Variants in CST3 observed in about 807,000 individuals in gnomAD.
The protein encoded by CST3 is cystatin-C.
A neutral mutation model predicts 9.0 loss-of-function variants in CST3; 14 were observed. That is an observed-to-expected ratio of 1.56 (90% CI 1.03 to 2.44). CST3 has a LOEUF of 2.44. Ranked by LOEUF, CST3 falls within the 30% of genes most tolerant of loss-of-function variation. CST3 has a pLI of 0.00. For synonymous variants in CST3, 96 were observed against 90.2 expected, an observed-to-expected ratio of 1.06 and a Z score of -0.37; for missense variants, 237 against 204.3, an observed-to-expected ratio of 1.16 and a Z score of -0.98.
chr20:23,635,668 T>C (rs6048959), intron 1 of CST3, among the ~76,000 whole-genome samples: 2,464 of 152,314 alleles, frequency 0.016, 40 homozygotes, highest in African/African-American at 0.039. Flanking sequence ...AAGGTTCTCA[T>C]GTGATGATGA....
chr20:23,629,859 G>T (rs998900772), downstream of CST3, among the ~76,000 whole-genome samples: 1 of 152,188 alleles, frequency 6.6e-6, no homozygotes, highest in African/African-American at 2.4e-5. Context: ...CTGTTCCACA[G>T]GGCAGGAGGT....
At chr20:23,632,574 C>A (rs1026814274), downstream of CST3, among the ~76,000 whole-genome samples, 8 of 152,194 alleles carry the variant, frequency 5.3e-5, no homozygotes, top group African/African-American at 1.9e-4. Context: ...CCTGCCGTGT[C>A]CCCTGCTCTG....
downstream of CST3, among the ~76,000 whole-genome samples, chr20:23,631,448 G>A (rs139044534): frequency 1.3e-5 from 2 of 152,170 alleles, no homozygotes; most frequent in African/African-American, 4.8e-5. Flanking sequence ...AGAAGCCCAG[G>A]GTCTGGGGGT....
At chr20:23,630,067 G>A (rs1293337046), downstream of CST3, among the ~76,000 whole-genome samples, 1 of 152,210 alleles carries the variant, frequency 6.6e-6, no homozygotes, top group Non-Finnish European at 1.5e-5. Context: ...ATTTGCAGAT[G>A]TTTTAGGAGC....
intron 2 of CST3, among the ~76,000 whole-genome samples, chr20:23,634,419 C>T (rs1979578917): frequency 6.6e-6 from 1 of 152,178 alleles, no homozygotes; most frequent in Admixed American, 6.5e-5. Context: ...CAAGTCATAG[C>T]ACATGGGGTG....
At chr20:23,635,407 C>G in intron 1 of CST3, 40 bp from the exon 2 acceptor site, 1 of 1,550,270 alleles carries the variant, frequency 6.5e-7, no homozygotes, top group Non-Finnish European at 8.8e-7. Flanking sequence ...ACAGCACGTT[C>G]TGTCAGTTTC....
exon 4 of CST3, chr20:23,627,278 T>C (rs1979288591): frequency 6.6e-6 from 1 of 152,214 alleles, no homozygotes. Flanking sequence ...AATCATATTG[T>C]ATGAATGCTG....
At chr20:23,627,223 C>T (rs1021497762) in exon 4 of CST3, 10 of 152,146 alleles carry the variant, frequency 6.6e-5, no homozygotes, top group Admixed American at 2.6e-4. Context: ...TAATCTACAG[C>T]CTGTCTCTAT....
At chr20:23,633,424 C>A (rs1015657825), downstream of CST3, among the ~76,000 whole-genome samples, 2 of 152,188 alleles carry the variant, frequency 1.3e-5, no homozygotes, top group African/African-American at 2.4e-5. Flanking sequence ...TCCCTGACCC[C>A]CTCACCAGGG....
In CST3 at chr20:23,635,319, T is replaced by C. The variant is rs1979626969; in HGVS notation, c.292A>G (p.Thr98Ala). Residue 98 changes from threonine (T) to alanine (A), a missense_variant, in exon 2 of 3, where the codon ACG becomes GCG. Coordinates refer to ENST00000376925, the MANE Select transcript of CST3 (RefSeq NM_000099.4). ...AAGTTGGGCTGGGTCTTGGTACACG[T>C]GGTTCGGCCCAGCTCCACGTCCAAG... Reference protein sequence around the residue: ...YFLDVELGRTTCTKTQPNLDN... With the variant: ...YFLDVELGRTACTKTQPNLDN... 6.2e-7 allele frequency: 1 copy of C among 1,613,740 alleles called. No individual in the cohort carries two copies. Among genetic ancestry groups the C allele is most frequent in the African/African-American group, 1.3e-5 (1 of 75,002 alleles).
At chr20:23,635,194 A>G (rs1279421817) in intron 2 of CST3, 60 bp downstream of exon 2, 3 of 1,390,848 alleles carry the variant, frequency 2.2e-6, no homozygotes, top group African/African-American at 2.8e-5. Flanking sequence ...ACACACACAC[A>G]CACACACACA....
chr20:23,631,901 T>C (rs1217587749), downstream of CST3: 1 of 152,242 alleles, frequency 6.6e-6, no homozygotes, highest in African/African-American at 2.4e-5. Flanking sequence ...ATGAAGTATA[T>C]ACTTAAATCA....
downstream of CST3, chr20:23,629,509 A>G (rs1045483630): frequency 1.3e-5 from 2 of 152,220 alleles, no homozygotes; most frequent in African/African-American, 2.4e-5. Context: ...AACTGTTGCT[A>G]TTAGTGATCT....
chr20:23,630,618 G>T (rs1979416662), downstream of CST3, among the ~76,000 whole-genome samples: 1 of 152,118 alleles, frequency 6.6e-6, no homozygotes, highest in African/African-American at 2.4e-5. Context: ...CTGGCGATTT[G>T]CTCTCTCTAC....
downstream of CST3, among the ~76,000 whole-genome samples, chr20:23,631,470 G>T (rs2040529573): frequency 6.6e-6 from 1 of 152,180 alleles, no homozygotes; most frequent in Non-Finnish European, 1.5e-5. Context: ...ATGGGGTGGC[G>T]ATCCACTGTC....
intron 1 of CST3, 46 bp downstream of exon 1, chr20:23,637,574 G>T: frequency 6.9e-7 from 1 of 1,447,564 alleles, no homozygotes; most frequent in South Asian, 1.4e-5. Context: ...GGGGAGGCTG[G>T]GACGGCGGGG....
At chr20:23,635,760 C>T (rs980280926) in intron 1 of CST3, among the ~76,000 whole-genome samples, 1 of 152,226 alleles carries the variant, frequency 6.6e-6, no homozygotes, top group Non-Finnish European at 1.5e-5. Flanking sequence ...TATTTTTCCT[C>T]ATTTCTCACT....
At chr20:23,627,783 C>T (rs972399852) in exon 4 of CST3, 2 of 152,088 alleles carry the variant, frequency 1.3e-5, no homozygotes, top group African/African-American at 2.4e-5. Context: ...GTGTTATGCA[C>T]GTTTTTATGC....
chr20:23,637,603 C>T lies in CST3; in HGVS notation c.243+17G>A. 4 of 1,506,158 alleles carry T rather than the reference C, an allele frequency of 2.7e-6. No individual in the cohort carries two copies. Among genetic ancestry groups the T allele is most frequent in the East Asian group, 2.8e-5 (1 of 36,218 alleles). 93.3% of individuals were successfully genotyped at this position (1,506,158 alleles called of 1,614,324 possible). A position where few individuals can be genotyped will look rare whatever the true frequency, so the allele number is the denominator to read the frequency against. Reference sequence around the variant, plus strand: ...GGCGGGGCCGGGGCTTCGGACCCTGCGGGGGGCGGCACGCACCTGCTTGCG... The same window carrying T: ...GGCGGGGCCGGGGCTTCGGACCCTGTGGGGGGCGGCACGCACCTGCTTGCG... On this transcript the variant is annotated intron_variant, in intron 1 of 2. Transcript: ENST00000376925.
Sources: allele counts gnomAD v4.1 joint callset (sites outside exome capture counted in the v4.1 genomes callset), GRCh38; gene constraint gnomAD v4.1.1; transcripts MANE v1.5; gene names NCBI Gene and HGNC (gene_info 2026-07-23, HGNC 2026-07-21).